CSPG4: variants seen among roughly 807,000 people sequenced by gnomAD.
The protein encoded by CSPG4 is chondroitin sulfate proteoglycan 4, also known as chondroitin sulfate proteoglycan 4 (melanoma-associated).
A neutral mutation model predicts 139.3 loss-of-function variants in CSPG4; 74 were observed. The observed-to-expected ratio is 0.53, with a 90% CI of 0.44 to 0.64. The LOEUF (loss-of-function observed/expected upper bound fraction) is 0.64. CSPG4 is among the 30% of genes least tolerant of loss of function. CSPG4 has a pLI of 0.00. For missense variants in CSPG4, 2,565 were observed against 3,148.3 expected (o/e 0.81, Z 4.43); for synonymous variants, 1,234 against 1,394.2 (o/e 0.89, Z 2.56).
chr15:75,702,617 T>G (rs369741765), intron 1 of CSPG4, among the ~76,000 whole-genome samples: 128 of 152,228 alleles, frequency 8.4e-4, no homozygotes, highest in African/African-American at 2.8e-3. Context: ...TTACCTCCAG[T>G]CTCCTTTCCA....
At position 75,689,661 on chromosome 15, in the gene CSPG4, C is replaced by T. The variant is rs1299274281; in HGVS notation, c.1404G>A (p.Val468=). 6.2e-7 allele frequency: 1 copy of T among 1,612,830 alleles called. No homozygotes were observed. The highest frequency in any genetic ancestry group is 8.5e-7 in the Non-Finnish European group (1 of 1,179,882). ...LMEAELRKSQ[V]LFSVTRGARH... ...GTGCCCCTCGGGTCACGCTGAACAG[C>T]ACCTGGGATTTGCGCAGCTCAGCCT... The change falls in exon 3 of 10, where the codon GTG becomes GTA. Residue 468 remains valine, a synonymous_variant. Transcript: ENST00000308508.
rs1456143437 is a variant in CSPG4, at chr15:75,686,548, C to T, written c.3789+728G>A. On this transcript the variant is annotated intron_variant, in intron 3 of 9. Coordinates refer to ENST00000308508, the MANE Select transcript of CSPG4 (RefSeq NM_001897.5). ...TTCTATGCATTTGCCCGGAATGTTC[C>T]TTCTGCCTGGAATACCACTCCCCAT... 2.6e-5 allele frequency among the ~76,000 whole-genome samples: 4 copies of T among 151,896 alleles called. No homozygotes were observed. In the East Asian group the frequency reaches 7.7e-4, roughly 29 times the overall value.
intron 1 of CSPG4, among the ~76,000 whole-genome samples, chr15:75,694,473 G>A (rs1894202312): frequency 6.6e-6 from 1 of 152,240 alleles, no homozygotes; most frequent in Non-Finnish European, 1.5e-5. Flanking sequence ...CCTCAAACCC[G>A]AGAGCGAGCA....
At position 75,676,285 on chromosome 15, in the gene CSPG4, G is replaced by A; in HGVS notation, c.6234C>T (p.Gly2078=). 1 of 1,593,814 alleles carries A rather than the reference G, an allele frequency of 6.3e-7. No individual in the cohort carries two copies. The highest frequency in any genetic ancestry group is 1.8e-5 in the Admixed American group (1 of 57,094). ...CCAGGAGGCGGAAGCGCGGCACACT[G>A]CCTGTGCGGTTGGCCAGCTCGCCAG... The part of the protein sequence containing the change: ...LDAGELANRT[G]SVPRFRLLEG... The change falls in exon 10 of 10, where the codon GGC becomes GGT. Residue 2078 remains glycine (G), a synonymous_variant. Coordinates refer to ENST00000308508, the MANE Select transcript of CSPG4 (RefSeq NM_001897.5).
Position 75,675,751 on chromosome 15 carries a change from G to A in CSPG4, c.6768C>T (p.Asp2256=), listed in dbSNP as rs766202843. ...LRKRNKTGKH[D]VQVLTAKPRN... is the part of the protein sequence containing the mutation. Reference sequence around the variant, plus strand: ...GGGGCTTGGCAGTCAGGACCTGGACGTCATGCTTGCCCGTCTTGTTGCGTT... The same window carrying A: ...GGGGCTTGGCAGTCAGGACCTGGACATCATGCTTGCCCGTCTTGTTGCGTT... Residue 2256 remains aspartate, a synonymous_variant, in exon 10 of 10, where the codon GAC becomes GAT. Transcript: ENST00000308508. 11 of 1,610,096 alleles carry A rather than the reference G, an allele frequency of 6.8e-6. No individual in the cohort carries two copies. The highest frequency in any genetic ancestry group is 2.2e-5 in the South Asian group (2 of 90,760).
At chr15:75,680,228 GGCAGGGCCTGGTCTAAGGGGA>G (rs1566972048) in intron 8 of CSPG4, 1 of 152,856 alleles carries the variant, frequency 6.5e-6, no homozygotes, top group African/African-American at 2.4e-5. Flanking sequence ...CTGAGGTGGG[GGCAGGGCCTGGTCTAAGGGGA>G]GCAGAGCCTG....
In CSPG4 at chr15:75,687,785, C is replaced by T. The variant is rs774989154; in HGVS notation, c.3280G>A (p.Val1094Met). Residue 1094 changes from valine (V) to methionine (M), a missense_variant, in exon 3 of 10, where the codon GTG (valine) becomes ATG (methionine). By Grantham distance (21) the Val-to-Met change is conservative. Coordinates refer to ENST00000308508, the MANE Select transcript of CSPG4 (RefSeq NM_001897.5). This position sits in a 1 kb window ranked among gnomAD's most constrained non-coding sequence, Gnocchi z 5.4. ...EDLRKRRVLF[V>M]HSGADRGWIQ... ...CAGCCACGGTCAGCCCCTGAGTGCA[C>T]GAACAGTACTCGCCTCTTCCTGAGG... The T allele has an allele frequency of 2.4e-5, 38 of 1,612,742 alleles. No homozygotes were observed. Among genetic ancestry groups the T allele is most frequent in the Non-Finnish European group, 3.1e-5 (37 of 1,179,972 alleles).
In CSPG4 at chr15:75,686,041, C is replaced by A. The variant is rs138660789; in HGVS notation, c.3790-340G>T. ...TAGCTGGGACCACAGGCATGTGCCA[C>A]CAGGCCCGGCTAATTTTTAAATTTT... On this transcript the variant is annotated intron_variant, in intron 3 of 9. Transcript: ENST00000308508. 9.8e-3 allele frequency among the ~76,000 whole-genome samples: 1,487 copies of A among 152,298 alleles called. 30 individuals are homozygous for A. The highest frequency in any genetic ancestry group is 0.033 in the African/African-American group (1,358 of 41,546).
At chr15:75,713,429 G>A (rs1290670420), upstream of CSPG4, among the ~76,000 whole-genome samples, 1 of 152,188 alleles carries the variant, frequency 6.6e-6, no homozygotes, top group East Asian at 1.9e-4. Context: ...TCCTCGCAGG[G>A]CAGAAGAATT....
At position 75,674,724 on chromosome 15, in the gene CSPG4, G is replaced by C. The variant is rs113358016; in HGVS notation, c.*826C>G. On this transcript the variant is annotated 3_prime_UTR_variant, in exon 10 of 10. Coordinates refer to ENST00000308508, the MANE Select transcript of CSPG4 (RefSeq NM_001897.5). ...GGGGCACTGGCACCGCAGTGGCCTCGGCCTGAGACCCTCGATGAGCCCCAG... is the reference window on the plus strand; with the variant it reads ...GGGGCACTGGCACCGCAGTGGCCTCCGCCTGAGACCCTCGATGAGCCCCAG... 2.5e-6 allele frequency: 1 copy of C among 398,714 alleles called. No homozygotes were observed. Among genetic ancestry groups the C allele is most frequent in the Non-Finnish European group, 4.4e-6 (1 of 226,050 alleles). 24.7% of individuals were successfully genotyped at this position (398,714 alleles called of 1,614,324 possible).
rs539490783 is a variant in CSPG4 at position 75,689,305 on chromosome 15, C to G, written c.1760G>C (p.Cys587Ser). Reference protein sequence around the residue: ...VFQAYDPDSACEGLTFQVLGT... With the variant: ...VFQAYDPDSASEGLTFQVLGT... ...AAGGACCTGGAAGGTGAGGCCCTCACAGGCAGAGTCCGGGTCATAGGCCTG... is the reference window on the plus strand; with the variant it reads ...AAGGACCTGGAAGGTGAGGCCCTCAGAGGCAGAGTCCGGGTCATAGGCCTG... The change falls in exon 3 of 10, where the codon TGT (cysteine) becomes TCT (serine). Residue 587 changes from cysteine (C) to serine (S), a missense_variant. Transcript: ENST00000308508. 2 of 1,611,018 alleles carry G rather than the reference C, an allele frequency of 1.2e-6. No homozygotes were observed. The highest frequency in any genetic ancestry group is 1.3e-5 in the African/African-American group (1 of 74,996).
At chr15:75,695,052 T>C (rs1894208698) in intron 1 of CSPG4, among the ~76,000 whole-genome samples, 1 of 152,092 alleles carries the variant, frequency 6.6e-6, no homozygotes, top group African/African-American at 2.4e-5. Context: ...GAGAGCCAGG[T>C]GATACTGCCC....
At chr15:75,680,373 A>C (rs1226921776) in intron 8 of CSPG4, 1 of 152,272 alleles carries the variant, frequency 6.6e-6, no homozygotes, top group African/African-American at 2.4e-5. Flanking sequence ...GAGGGAACAC[A>C]GGCCTTTTAA....
rs1258820959 is a variant in CSPG4, at chr15:75,690,796, C to T, written c.269G>A (p.Gly90Asp). ...SGRLQVRLVLGQEELRLQTPA... is the reference protein window; with the variant it reads ...SGRLQVRLVLDQEELRLQTPA... The stretch of plus-strand genomic sequence containing the variant: ...AGTCTGCAGCCTCAGCTCCTCCTGG[C>T]CCAGAACAAGTCTGACCTGAAGAGA... Residue 90 changes from glycine to aspartate, a missense_variant, in exon 3 of 10, where the codon GGC (glycine) becomes GAC (aspartate). Transcript: ENST00000308508. 3 of 1,610,652 alleles carry T rather than the reference C, an allele frequency of 1.9e-6. No homozygotes were observed. Among genetic ancestry groups the T allele is most frequent in the Admixed American group, 3.3e-5 (2 of 59,886 alleles).
chr15:75,690,210 A>T lies in CSPG4; in HGVS notation c.855T>A (p.His285Gln). Residue 285 changes from histidine (H) to glutamine (Q), a missense_variant, in exon 3 of 10, where the codon CAT becomes CAA. Physicochemically the swap from His to Gln is conservative, Grantham distance 24. Around this residue, in one of 5 missense-constraint regions of CSPG4, gnomAD observed 2,316 missense variants for 2,818.2 expected, o/e 0.82. Coordinates refer to ENST00000308508, the MANE Select transcript of CSPG4 (RefSeq NM_001897.5). ...GAGCATTGATGTGGACACTGACCTC[A>T]TGGGGCTGCCCATCGGCCACAGGCA... is the stretch of plus-strand genomic sequence containing the variant. ...NSVPVADGQP[H>Q]EVSVHINAHR... is the part of the protein sequence containing the mutation. 6.2e-7 allele frequency: 1 copy of T among 1,613,352 alleles called. No homozygotes were observed. The highest frequency in any genetic ancestry group is 8.5e-7 in the Non-Finnish European group (1 of 1,179,872).
At position 75,689,001 on chromosome 15, in the gene CSPG4, C is replaced by T. The variant is rs368751585; in HGVS notation, c.2064G>A (p.Val688=). The T allele has an allele frequency of 7.4e-6, 12 of 1,612,380 alleles. No homozygotes were observed. The highest frequency in any genetic ancestry group is 1.0e-5 in the Non-Finnish European group (12 of 1,180,010). ...CATCCTGCCCCACGGCATTGGTCTCCACCGACAGGTTGGCGGGCAAGATGG... is the reference window on the plus strand; with the variant it reads ...CATCCTGCCCCACGGCATTGGTCTCTACCGACAGGTTGGCGGGCAAGATGG... ...AMPILPANLS[V]ETNAVGQDVS... is the part of the protein sequence containing the mutation. The change falls in exon 3 of 10, where the codon GTG becomes GTA. Residue 688 remains valine, a synonymous_variant. Coordinates refer to ENST00000308508, the MANE Select transcript of CSPG4 (RefSeq NM_001897.5).
In CSPG4 at chr15:75,683,010, G is replaced by A. The variant is rs1279933736; in HGVS notation, c.4481C>T (p.Ala1494Val). Reference protein sequence around the residue: ...MWEGATAPIPAEALRSTDGDS... With the variant: ...MWEGATAPIPVEALRSTDGDS... ...GCCGTCCGTGCTCCTCAGAGCCTCC[G>A]CAGGGATGGGCGCAGTGGCCCCCTC... Residue 1494 changes from alanine (A) to valine (V), a missense_variant, in exon 6 of 10, where the codon GCG becomes GTG. Coordinates refer to ENST00000308508, the MANE Select transcript of CSPG4 (RefSeq NM_001897.5). The A allele has an allele frequency of 4.3e-6, 7 of 1,610,894 alleles. No individual in the cohort carries two copies. In the East Asian group the frequency reaches 6.7e-5, roughly 15 times the overall value.
In CSPG4 at chr15:75,696,926, G is replaced by A. The variant is rs889957189; in HGVS notation, c.89-3693C>T. 2.6e-5 allele frequency among the ~76,000 whole-genome samples: 4 copies of A among 152,230 alleles called. No homozygotes were observed. The highest frequency in any genetic ancestry group is 7.2e-5 in the African/African-American group (3 of 41,468). On this transcript the variant is annotated intron_variant, in intron 1 of 9. Coordinates refer to ENST00000308508, the MANE Select transcript of CSPG4 (RefSeq NM_001897.5). The surrounding 1 kb of genome is among the most constrained non-coding windows in gnomAD (Gnocchi z 4.2). The stretch of plus-strand genomic sequence containing the variant: ...CTGCGCTGGCATCTCCGGGCTCCCC[G>A]GAGGCACTACTAGGAGGAGTGTGGA...
rs1012961522 is a variant in CSPG4, at chr15:75,703,349, G to A, written c.88+9319C>T. ...TGCTCTGCAGCCCGGGTGACCCTGCGCAGGGGCAGACAGAAGCCGTGAGGG... is the reference window on the plus strand; with the variant it reads ...TGCTCTGCAGCCCGGGTGACCCTGCACAGGGGCAGACAGAAGCCGTGAGGG... On this transcript the variant is annotated intron_variant, in intron 1 of 9. Transcript: ENST00000308508. Among the ~76,000 whole-genome samples the A allele has an allele frequency of 1.5e-4, 22 of 151,368 alleles. No homozygotes were observed. The East Asian group carries it at 3.4e-3, about 23-fold the overall frequency.
Sources: allele counts gnomAD v4.1 joint callset (sites outside exome capture counted in the v4.1 genomes callset), GRCh38; gene constraint gnomAD v4.1.1; regional missense constraint gnomAD v4.1.1; non-coding constraint Gnocchi (gnomAD v3.1); transcripts MANE v1.5; gene names NCBI Gene and HGNC (gene_info 2026-07-23, HGNC 2026-07-21).